IFT74: variants seen among roughly 807,000 people sequenced by gnomAD.
The protein encoded by IFT74 is intraflagellar transport 74, also known as intraflagellar transport protein 74 homolog.
A neutral mutation model predicts 96.7 loss-of-function variants in IFT74; 92 were observed. The observed-to-expected ratio is 0.95, with a 90% CI of 0.80 to 1.13. The LOEUF (loss-of-function observed/expected upper bound fraction) is 1.13, where lower values mean the gene tolerates loss of function less well. Among genes scored for constraint, IFT74 ranks in the 50% most tolerant of loss-of-function variants. IFT74 has a pLI of 0.00. For synonymous variants in IFT74, 223 were observed against 213.2 expected (o/e 1.05, Z -0.40); for missense variants, 811 against 698.2 (o/e 1.16, Z -1.82).
chr9:27,038,054 G>C (rs1213763553), intron 13 of IFT74, among the ~76,000 whole-genome samples: 1 of 152,200 alleles, frequency 6.6e-6, no homozygotes, highest in African/African-American at 2.4e-5. Context: ...GAGGATTTGT[G>C]CTGTCCTTGA....
At chr9:26,969,385 C>T (rs1826781252) in intron 2 of IFT74, among the ~76,000 whole-genome samples, 1 of 151,480 alleles carries the variant, frequency 6.6e-6, no homozygotes, top group Non-Finnish European at 1.5e-5. Context: ...TATAGCTACT[C>T]CTGCTTGCTT....
chr9:26,973,897 C>T (rs1020171331), intron 2 of IFT74, among the ~76,000 whole-genome samples: 4 of 152,126 alleles, frequency 2.6e-5, no homozygotes, highest in African/African-American at 7.2e-5. Flanking sequence ...AGACAGAGAC[C>T]CTGACTCCCC....
Position 26,962,055 on chromosome 9 carries a change from C to G in IFT74, c.88C>G (p.Pro30Ala). 1 of 1,614,138 alleles carries G rather than the reference C, an allele frequency of 6.2e-7. No individual in the cohort carries two copies. Among genetic ancestry groups the G allele is most frequent in the Non-Finnish European group, 8.5e-7 (1 of 1,180,006 alleles). Reference protein sequence around the residue: ...LTGRPPSGIRPLSGNIRVATA... With the variant: ...LTGRPPSGIRALSGNIRVATA... ...AGGAAGGCCTCCTTCTGGGATACGA[C>G]CCCTATCAGGAAATATTCGAGTGGC... The change falls in exon 2 of 20, where the codon CCC (proline) becomes GCC (alanine). Residue 30 changes from proline to alanine, a missense_variant. Physicochemically the swap from Pro to Ala is conservative, Grantham distance 27. Transcript: ENST00000380062.
chr9:26,999,970 T>C (rs191841940), intron 8 of IFT74, among the ~76,000 whole-genome samples: 1 of 152,012 alleles, frequency 6.6e-6, no homozygotes, highest in African/African-American at 2.4e-5. Context: ...GGGGTCACCA[T>C]GTGTTACTCA....
At chr9:27,055,295 A>G (rs1225879419) in intron 16 of IFT74, among the ~76,000 whole-genome samples, 2 of 152,146 alleles carry the variant, frequency 1.3e-5, no homozygotes, top group African/African-American at 4.8e-5. Flanking sequence ...GTTAAAAATA[A>G]TGTGTCTTTA....
rs1828923210 is a variant in IFT74 at position 27,009,013 on chromosome 9, A to T, written c.588-7A>T. The T allele has an allele frequency of 6.2e-7, 1 of 1,608,984 alleles. No homozygotes were observed. The highest frequency in any genetic ancestry group is 2.2e-5 in the East Asian group (1 of 44,722). On this transcript the variant is annotated splice_region_variant and splice_polypyrimidine_tract_variant and intron_variant, in intron 8 of 19. Coordinates refer to ENST00000380062, the MANE Select transcript of IFT74 (RefSeq NM_025103.4). ...GTATCAGGAATATTACGTGCTTCTG[A>T]TTTTAGGAAAGAAAAACAAATCAGA...
upstream of IFT74, among the ~76,000 whole-genome samples, chr9:26,953,695 G>GGT (rs1826001036): frequency 7.2e-6 from 1 of 139,562 alleles, no homozygotes; most frequent in African/African-American, 2.9e-5. Flanking sequence ...ATTTTTTGTA[G>GGT]GGGGGGGGTC....
intron 2 of IFT74, among the ~76,000 whole-genome samples, chr9:26,970,330 C>G (rs1405799544): frequency 6.6e-6 from 1 of 152,118 alleles, no homozygotes; most frequent in Admixed American, 6.5e-5. Context: ...ATCTTCTAGA[C>G]TTTTTAATGT....
At chr9:27,051,013 A>G (rs892390354) in intron 16 of IFT74, among the ~76,000 whole-genome samples, 1 of 152,186 alleles carries the variant, frequency 6.6e-6, no homozygotes, top group African/African-American at 2.4e-5. Flanking sequence ...GGCTATTTAT[A>G]GTTTTTAATT....
rs1280629280 is a variant in IFT74, at chr9:27,012,706, C to CTGTTTT, written c.789+740_789+745dup. On this transcript the variant is annotated intron_variant, in intron 10 of 19. Coordinates refer to ENST00000380062, the MANE Select transcript of IFT74 (RefSeq NM_025103.4). ...TTGAACAAGAGGAAAGTAAAAATGT[C>CTGTTTT]TGTTTTTTTTTTTTTTTTTTTTTTT... Among the ~76,000 whole-genome samples, 471 of 85,290 alleles carry CTGTTTT rather than the reference C, an allele frequency of 5.5e-3. 33 individuals are homozygous for CTGTTTT. The highest frequency in any genetic ancestry group is 0.02 in the African/African-American group (409 of 20,016). 56.0% of individuals were successfully genotyped at this position (85,290 alleles called of 152,430 possible).
chr9:27,018,591 A>T, intron 11 of IFT74, 56 bp from the exon 12 acceptor site: 1 of 892,352 alleles, frequency 1.1e-6, no homozygotes, highest in Non-Finnish European at 1.7e-6. Context: ...TATCTTTAAG[A>T]TAGCCTTACA....
At chr9:26,997,971 A>G in intron 8 of IFT74, 1 of 1,613,952 alleles carries the variant, frequency 6.2e-7, no homozygotes, top group Non-Finnish European at 8.5e-7. Context: ...TTTAAGCCTA[A>G]AAATGCACCC....
intron 17 of IFT74, 81 bp downstream of exon 17, chr9:27,055,853 G>T (rs1438773697): frequency 3.4e-6 from 3 of 878,480 alleles, no homozygotes; most frequent in East Asian, 6.2e-5. Flanking sequence ...GTGGTTTATA[G>T]GATTTATTAT....
rs577712231 is a variant in IFT74, at chr9:27,006,259, C to G, written c.588-2761C>G. 7.2e-5 allele frequency among the ~76,000 whole-genome samples: 11 copies of G among 152,188 alleles called. No individual in the cohort carries two copies. In the South Asian group the frequency reaches 2.3e-3, roughly 32 times the overall value. Reference sequence around the variant, plus strand: ...CATACTTTTGAAAGATATACTGTTGCTAAATTAATTTATGTTTGTCCTGAT... The same window carrying G: ...CATACTTTTGAAAGATATACTGTTGGTAAATTAATTTATGTTTGTCCTGAT... On this transcript the variant is annotated intron_variant, in intron 8 of 19. Transcript: ENST00000380062.
Position 27,001,238 on chromosome 9 carries a change from G to A in IFT74, c.588-7782G>A, listed in dbSNP as rs186868029. Among the ~76,000 whole-genome samples the A allele has an allele frequency of 4.0e-3, 602 of 151,872 alleles. 6 individuals are homozygous for A. Among genetic ancestry groups the A allele is most frequent in the Admixed American group, 0.014 (218 of 15,262 alleles). On this transcript the variant is annotated intron_variant, in intron 8 of 19. Transcript: ENST00000380062. ...GCACTTAGGTTGATTCCATAGTTTT[G>A]CTCTTGTGAATAGTCCTCCAATACA...
chr9:27,006,407 G>A (rs1039480369), intron 8 of IFT74, among the ~76,000 whole-genome samples: 2 of 152,028 alleles, frequency 1.3e-5, no homozygotes, highest in East Asian at 1.9e-4. Flanking sequence ...AGACCAGCCC[G>A]GCCAACTTAG....
chr9:26,964,892 A>G (rs572649608), intron 2 of IFT74, among the ~76,000 whole-genome samples: 3 of 152,340 alleles, frequency 2.0e-5, no homozygotes, highest in Admixed American at 6.5e-5. Flanking sequence ...AGAGTGTGTC[A>G]TAAATAGTGA....
chr9:26,962,054 AC>A lies in IFT74; in HGVS notation c.91del (p.Leu31TyrfsTer25). On this transcript the variant is annotated frameshift_variant, in exon 2 of 20. Transcript: ENST00000380062. LOFTEE classifies it high-confidence loss of function. ...LTGRPPSGIR[P>X]LSGNIRVATA... is the part of the protein sequence containing the mutation. Reference sequence around the variant, plus strand: ...CAGGAAGGCCTCCTTCTGGGATACGACCCCTATCAGGAAATATTCGAGTGGC... The same window carrying A: ...CAGGAAGGCCTCCTTCTGGGATACGACCCTATCAGGAAATATTCGAGTGGC... The A allele has an allele frequency of 1.2e-6, 2 of 1,614,082 alleles. No homozygotes were observed. Among genetic ancestry groups the A allele is most frequent in the Non-Finnish European group, 1.7e-6 (2 of 1,180,012 alleles).
chr9:27,030,367 T>TATAAC (rs1368414988), intron 13 of IFT74, among the ~76,000 whole-genome samples: 1 of 151,966 alleles, frequency 6.6e-6, no homozygotes, highest in Non-Finnish European at 1.5e-5. Flanking sequence ...GCTGGGAATA[T>TATAAC]ATAACGTCTG....
Sources: gnomAD v4.1 joint callset for allele counts (sites outside exome capture counted in the v4.1 genomes callset) on GRCh38, gnomAD v4.1.1 for gene constraint, MANE v1.5 for transcripts, NCBI Gene and HGNC (gene_info 2026-07-23, HGNC 2026-07-21) for gene names.